Variants in NNT observed in about 807,000 individuals in gnomAD.
The protein encoded by NNT is nicotinamide nucleotide transhydrogenase.
NNT carries 50 observed loss-of-function variants against 104.8 expected under a neutral mutation model. That is an observed-to-expected ratio of 0.48 (90% confidence interval 0.38 to 0.60). The LOEUF is 0.60. NNT is among the 20% of genes least tolerant of loss of function. The pLI is 0.00. For missense variants in NNT, 1,131 were observed against 1,330.7 expected (o/e 0.85, Z 2.33); for synonymous variants, 461 against 490.4 (o/e 0.94, Z 0.79).
At chr5:43,629,040 G>A (rs951663375) in intron 7 of NNT, among the ~76,000 whole-genome samples, 1 of 152,110 alleles carries the variant, frequency 6.6e-6, no homozygotes, top group African/African-American at 2.4e-5. Flanking sequence ...TTGGGGAGCA[G>A]GTGGTGTTTG....
chr5:43,647,089 G>A (rs899536982), intron 10 of NNT, among the ~76,000 whole-genome samples: 7 of 152,126 alleles, frequency 4.6e-5, no homozygotes, highest in Non-Finnish European at 8.8e-5. Flanking sequence ...AGCACCAGGC[G>A]CATAGAATTC....
At chr5:43,692,116 A>C (rs1193766926) in intron 19 of NNT, among the ~76,000 whole-genome samples, 1 of 152,214 alleles carries the variant, frequency 6.6e-6, no homozygotes, top group Non-Finnish European at 1.5e-5. Context: ...CAGGTGGTTA[A>C]TATTTCTAGC....
chr5:43,644,267 C>T lies in NNT; in HGVS notation c.1040C>T (p.Ala347Val), dbSNP rs752288921. The stretch of plus-strand genomic sequence containing the variant: ...GAAGGTTCAGTTGTTGTGGATTTAG[C>T]TGCTGAGGCTGGTGGAAACTTTGAA... The part of the protein sequence containing the change: ...MKEGSVVVDL[A>V]AEAGGNFETT... The change falls in exon 8 of 22, where the codon GCT (alanine) becomes GTT (valine). Residue 347 changes from alanine to valine, a missense_variant. Physicochemically the swap from Ala to Val is moderately conservative, Grantham distance 64. Coordinates refer to ENST00000344920, the MANE Select transcript of NNT (RefSeq NM_182977.3). 5 of 1,613,746 alleles carry T rather than the reference C, an allele frequency of 3.1e-6. No homozygotes were observed. The highest frequency in any genetic ancestry group is 4.2e-6 in the Non-Finnish European group (5 of 1,179,908).
chr5:43,646,387 G>A (rs1372132668), intron 10 of NNT, among the ~76,000 whole-genome samples: 1 of 152,002 alleles, frequency 6.6e-6, no homozygotes, highest in Admixed American at 6.6e-5. Flanking sequence ...CTGGGGTTGA[G>A]GAAGGAAGCT....
At position 43,691,070 on chromosome 5, in the gene NNT, A is replaced by AGTGTGT. The variant is rs56075202; in HGVS notation, c.2877-9010_2877-9005dup. 9.2e-3 allele frequency among the ~76,000 whole-genome samples: 1,269 copies of AGTGTGT among 137,472 alleles called. 6 individuals are homozygous for AGTGTGT. Among genetic ancestry groups the AGTGTGT allele is most frequent in the Middle Eastern group, 0.026 (7 of 274 alleles). The allele number at this position is 137,472 out of a possible 152,430, so 90.2% of individuals were successfully genotyped here. On this transcript the variant is annotated intron_variant, in intron 19 of 21. Coordinates refer to ENST00000344920, the MANE Select transcript of NNT (RefSeq NM_182977.3). Reference sequence around the variant, plus strand: ...AACTGATCCAGAATTTTTTTGAGAGAGTGTGTGTGTGTGTGTGTGTGTGTG... The same window carrying AGTGTGT: ...AACTGATCCAGAATTTTTTTGAGAGAGTGTGTGTGTGTGTGTGTGTGTGTGTGTGTG...
chr5:43,624,773 T>G (rs1265978199), intron 6 of NNT, among the ~76,000 whole-genome samples: 5 of 152,232 alleles, frequency 3.3e-5, no homozygotes, highest in African/African-American at 1.2e-4. Flanking sequence ...TGGATTTTAT[T>G]AAATGTCAGT....
chr5:43,680,628 T>G (rs1741654681), intron 19 of NNT, among the ~76,000 whole-genome samples: 1 of 152,204 alleles, frequency 6.6e-6, no homozygotes, highest in African/African-American at 2.4e-5. Flanking sequence ...TGGCCCATGA[T>G]TGATTTAGAG....
At chr5:43,678,941 C>T (rs1469469949) in intron 19 of NNT, among the ~76,000 whole-genome samples, 1 of 152,170 alleles carries the variant, frequency 6.6e-6, no homozygotes, top group Non-Finnish European at 1.5e-5. Context: ...TTCCTCCAAT[C>T]TATAGTCTGT....
At chr5:43,678,926 A>C (rs143074819) in intron 19 of NNT, among the ~76,000 whole-genome samples, 1 of 151,750 alleles carries the variant, frequency 6.6e-6, no homozygotes, top group East Asian at 1.9e-4. Flanking sequence ...CTCCTTCTCC[A>C]CTCCTTCCTC....
chr5:43,677,876 G>A (rs1741505285), intron 19 of NNT, 70 bp downstream of exon 19: 1 of 1,235,912 alleles, frequency 8.1e-7, no homozygotes, highest in Non-Finnish European at 1.2e-6. Flanking sequence ...GAAATACAGT[G>A]GACCCTTGAA....
intron 4 of NNT, among the ~76,000 whole-genome samples, chr5:43,617,512 A>G (rs1201663715): frequency 1.3e-5 from 2 of 152,182 alleles, no homozygotes; most frequent in Non-Finnish European, 1.5e-5. Context: ...ATCATCTAGT[A>G]TACATATCCA....
At position 43,644,691 on chromosome 5, in the gene NNT, C is replaced by T; in HGVS notation, c.1179C>T (p.Thr393=). The T allele has an allele frequency of 1.2e-6, 2 of 1,614,160 alleles. No homozygotes were observed. The highest frequency in any genetic ancestry group is 1.7e-6 in the Non-Finnish European group (2 of 1,180,016). The change falls in exon 9 of 22, where the codon ACC becomes ACT. Residue 393 remains threonine (T), a synonymous_variant. Transcript: ENST00000344920. Reference sequence around the variant, plus strand: ...GCACCCTATATTCCAACAACATCACCAAACTCCTGAAGGCCATCAGCCCGG... The same window carrying T: ...GCACCCTATATTCCAACAACATCACTAAACTCCTGAAGGCCATCAGCCCGG... The part of the protein sequence containing the change: ...QASTLYSNNI[T]KLLKAISPDK...
At chr5:43,619,640 C>T (rs552268716) in intron 5 of NNT, among the ~76,000 whole-genome samples, 12 of 152,244 alleles carry the variant, frequency 7.9e-5, no homozygotes, top group Admixed American at 3.9e-4. Flanking sequence ...TGAGAGGTGA[C>T]GATGGCTTGC....
intron 6 of NNT, among the ~76,000 whole-genome samples, chr5:43,626,081 T>C (rs1750345414): frequency 6.6e-6 from 1 of 151,694 alleles, no homozygotes; most frequent in Non-Finnish European, 1.5e-5. Flanking sequence ...TGTAGGTCAA[T>C]ATACATATAC....
chr5:43,619,546 G>A (rs1201493171), intron 5 of NNT, among the ~76,000 whole-genome samples: 2 of 152,188 alleles, frequency 1.3e-5, no homozygotes, highest in African/African-American at 4.8e-5. Context: ...GGAAATGGGA[G>A]GTGGTGTAAT....
At chr5:43,664,837 A>G (rs1740545628) in intron 17 of NNT, among the ~76,000 whole-genome samples, 1 of 152,228 alleles carries the variant, frequency 6.6e-6, no homozygotes, top group African/African-American at 2.4e-5. Context: ...AGATAAAAAT[A>G]ATTTCGTTTT....
At chr5:43,699,746 C>T (rs1742753081) in intron 19 of NNT, among the ~76,000 whole-genome samples, 1 of 152,068 alleles carries the variant, frequency 6.6e-6, no homozygotes, top group Non-Finnish European at 1.5e-5. Flanking sequence ...CATTTAATTC[C>T]AGGCTAGGTA....
intron 7 of NNT, among the ~76,000 whole-genome samples, chr5:43,635,303 G>T (rs1401126124): frequency 6.6e-6 from 1 of 152,180 alleles, no homozygotes; most frequent in Non-Finnish European, 1.5e-5. Context: ...TTAGGACAGT[G>T]TTGCCATCAT....
In NNT at chr5:43,650,528, C is replaced by G; in HGVS notation, c.1658C>G (p.Ser553Cys). 6.2e-7 allele frequency: 1 copy of G among 1,614,128 alleles called. No homozygotes were observed. The highest frequency in any genetic ancestry group is 8.5e-7 in the Non-Finnish European group (1 of 1,180,008). The change falls in exon 12 of 22, where the codon TCC (serine) becomes TGC (cysteine). Residue 553 changes from serine to cysteine, a missense_variant. By Grantham distance (112) the Ser-to-Cys change is moderately radical (BLOSUM62 -1). Transcript: ENST00000344920. ...CTGATGGGAGGACATTTGTATCCTT[C>G]CACAACTTCTCAGGGCCTTGCTGCT... ...LALMGGHLYP[S>C]TTSQGLAALA... is the part of the protein sequence containing the mutation.
Sources: gnomAD v4.1 joint callset for allele counts (sites outside exome capture counted in the v4.1 genomes callset) on GRCh38, gnomAD v4.1.1 for gene constraint, MANE v1.5 for transcripts, NCBI Gene and HGNC (gene_info 2026-07-23, HGNC 2026-07-21) for gene names.